MECR: variants seen among roughly 807,000 people sequenced by gnomAD.
MECR encodes the protein enoyl-[acyl-carrier-protein] reductase, mitochondrial.
A neutral mutation model predicts 49.1 loss-of-function variants in MECR; 37 were observed. The ratio of observed to expected loss-of-function variants is 0.75; its 90% CI spans 0.58 to 0.99. MECR has a LOEUF of 0.99. MECR is among the 50% of genes least tolerant of loss of function. MECR has a pLI of 0.00. For synonymous variants in MECR, 198 were observed against 191.1 expected, an observed-to-expected ratio of 1.04 and a Z score of -0.30; for missense variants, 470 against 479.6, an observed-to-expected ratio of 0.98 and a Z score of 0.19.
At chr1:29,220,833 C>T in intron 1 of MECR, 1 of 831,882 alleles carries the variant, frequency 1.2e-6, no homozygotes, top group Non-Finnish European at 1.4e-6. Flanking sequence ...TATGGTAGTA[C>T]CTACACAGTA....
chr1:29,215,023 A>T (rs965785749), intron 3 of MECR, among the ~76,000 whole-genome samples: 3 of 150,986 alleles, frequency 2.0e-5, no homozygotes, highest in Admixed American at 6.6e-5. Context: ...CTACCTTTTT[A>T]AAAAAAAATA....
intron 3 of MECR, among the ~76,000 whole-genome samples, chr1:29,207,110 AGATT>A (rs1676790263): frequency 6.6e-6 from 1 of 152,058 alleles, no homozygotes; most frequent in Non-Finnish European, 1.5e-5. Context: ...TATGCACAAT[AGATT>A]GTTATTCTTT....
At chr1:29,200,762 C>G (rs1342919190) in intron 6 of MECR, among the ~76,000 whole-genome samples, 173 bp from the exon 7 acceptor site, 1 of 152,104 alleles carries the variant, frequency 6.6e-6, no homozygotes, top group African/African-American at 2.4e-5. Flanking sequence ...TCACCTTTTT[C>G]TCTGCTTAGG....
chr1:29,173,104 A>G, the MECR span: 7 of 142,572 alleles, frequency 4.9e-5, no homozygotes, highest in Admixed American at 2.1e-4. Flanking sequence ...ATTAACCTAC[A>G]TTTATTCTCT....
At chr1:29,168,249 T>C in the MECR span, among the ~76,000 whole-genome samples, 1 of 149,332 alleles carries the variant, frequency 6.7e-6, no homozygotes, top group East Asian at 2.0e-4. Flanking sequence ...CAGGGTGGTC[T>C]CGAACTCCTG....
chr1:29,217,243 T>C (rs1295711310), intron 1 of MECR, among the ~76,000 whole-genome samples: 2 of 144,476 alleles, frequency 1.4e-5, no homozygotes, highest in Non-Finnish European at 3.0e-5. Context: ...AGAGTCTCAC[T>C]GTGTCACCCA....
downstream of MECR, among the ~76,000 whole-genome samples, chr1:29,191,730 C>T (rs1418651242): frequency 2.0e-5 from 3 of 152,190 alleles, no homozygotes; most frequent in Admixed American, 6.5e-5. Context: ...TCCTTTTTTC[C>T]AGCGGACATA....
chr1:29,184,892 A>G, the MECR span, among the ~76,000 whole-genome samples: 2 of 152,170 alleles, frequency 1.3e-5, no homozygotes, highest in Non-Finnish European at 2.9e-5. Context: ...TGGGAGGCCG[A>G]GGTGGGTGGA....
chr1:29,180,618 C>G, the MECR span, among the ~76,000 whole-genome samples: 1 of 152,096 alleles, frequency 6.6e-6, no homozygotes, highest in Non-Finnish European at 1.5e-5. Context: ...CTTTTTTAAG[C>G]CAAGAGTTCT....
the MECR span, among the ~76,000 whole-genome samples, chr1:29,180,328 A>T: frequency 6.6e-6 from 1 of 152,228 alleles, no homozygotes; most frequent in Non-Finnish European, 1.5e-5. Context: ...TATCCTTAAG[A>T]ACTGAACGTT....
intron 1 of MECR, 160 bp from the exon 2 acceptor site, chr1:29,216,845 A>C: frequency 6.9e-7 from 1 of 1,448,626 alleles, no homozygotes; most frequent in Admixed American, 2.5e-5. Context: ...TAAGAAATCA[A>C]CACAGGAGGC....
intron 4 of MECR, 39 bp downstream of exon 4, chr1:29,206,723 C>A: frequency 6.2e-7 from 1 of 1,607,438 alleles, no homozygotes; most frequent in Admixed American, 1.7e-5. Context: ...ACCCTAGTTG[C>A]GAGACCCTGG....
At chr1:29,178,550 GT>G in the MECR span, among the ~76,000 whole-genome samples, 1,046 of 151,684 alleles carry the variant, frequency 6.9e-3, 15 homozygotes, top group African/African-American at 0.024. Context: ...TAGAGACGGG[GT>G]TTCACCATCT....
chr1:29,195,830 G>T, intron 9 of MECR, 111 bp downstream of exon 9: 1 of 1,044,758 alleles, frequency 9.6e-7, no homozygotes. Flanking sequence ...ATCCTTCTGT[G>T]GGGCTGGGGA....
In MECR at chr1:29,230,874, T is replaced by C; in HGVS notation, c.33A>G (p.Arg11=). 6.2e-7 allele frequency: 1 copy of C among 1,605,986 alleles called. No individual in the cohort carries two copies. Among genetic ancestry groups the C allele is most frequent in the Non-Finnish European group, 8.5e-7 (1 of 1,178,906 alleles). Residue 11 remains arginine, a synonymous_variant, in exon 1 of 10, where the codon CGA becomes CGG. Transcript: ENST00000263702. MWVCSTLWRV[R]TPARQWRGLL... ...GCCCCCGCCACTGCCGGGCGGGGGT[T>C]CGCACCCGCCACAGGGTACTGCAGA...
downstream of MECR, among the ~76,000 whole-genome samples, chr1:29,188,197 CTTTT>C (rs1337661265): frequency 6.8e-6 from 1 of 146,850 alleles, no homozygotes; most frequent in African/African-American, 2.5e-5. Flanking sequence ...TTGGAGTTTA[CTTTT>C]TTTTTTGAAA....
chr1:29,177,893 ATTTTTTTTTT>A, the MECR span, among the ~76,000 whole-genome samples: 2 of 93,636 alleles, frequency 2.1e-5, no homozygotes, highest in Non-Finnish European at 4.1e-5. Context: ...ATTACACAAG[ATTTTTTTTTT>A]TTTTTTTTTT....
In MECR at chr1:29,194,331, C is replaced by G. The variant is rs775019129; in HGVS notation, c.965-152G>C. The G allele has an allele frequency of 5.7e-4, 467 of 818,642 alleles. 1 individual carries two copies. The highest frequency in any genetic ancestry group is 6.9e-4 in the Non-Finnish European group (364 of 530,874). 50.7% of individuals were successfully genotyped at this position (818,642 alleles called of 1,614,324 possible). On this transcript the variant is annotated intron_variant, in intron 9 of 9. Coordinates refer to ENST00000263702, the MANE Select transcript of MECR (RefSeq NM_016011.5). ...GCCAAGGATAGGGTGGCTGTGGAGG[C>G]AGCCTGGTCCCTGCCTGTCTTTAGG...
At chr1:29,197,680 T>C (rs1300712172) in intron 7 of MECR, among the ~76,000 whole-genome samples, 2 of 152,164 alleles carry the variant, frequency 1.3e-5, no homozygotes, top group African/African-American at 2.4e-5. Context: ...TGCTGGGTAG[T>C]TTGGTCTTAA....
Sources: allele counts gnomAD v4.1 joint callset (sites outside exome capture counted in the v4.1 genomes callset), GRCh38; gene constraint gnomAD v4.1.1; transcripts MANE v1.5; gene names NCBI Gene and HGNC (gene_info 2026-07-23, HGNC 2026-07-21).